The following TNNI3K variants were observed in gnomAD, a reference collection of about 807,000 sequenced individuals.
The protein encoded by TNNI3K is serine/threonine-protein kinase TNNI3K.
In TNNI3K, 140 loss-of-function variants were observed where a neutral mutation model predicts 114.5. The ratio of observed to expected loss-of-function variants is 1.22; its 90% CI spans 1.07 to 1.41. The LOEUF (loss-of-function observed/expected upper bound fraction) is 1.41, where lower values mean the gene tolerates loss of function less well. Among genes scored for constraint, TNNI3K ranks in the 40% most tolerant of loss-of-function variants. The probability of loss-of-function intolerance (pLI) is 0.00; values close to 1 mark genes in which losing one functional copy is unlikely to be tolerated. For missense variants in TNNI3K, 1,125 were observed against 1,007.6 expected, an observed-to-expected ratio of 1.12 and a Z score of -1.58; for synonymous variants, 347 against 347.5, an observed-to-expected ratio of 1.00 and a Z score of 0.02.
At chr1:74,264,931 T>A (rs1655878276) in intron 4 of TNNI3K, among the ~76,000 whole-genome samples, 1 of 151,982 alleles carries the variant, frequency 6.6e-6, no homozygotes, top group Admixed American at 6.6e-5. Flanking sequence ...TACAATCTTG[T>A]AAGGTAAGTA....
intron 23 of TNNI3K, among the ~76,000 whole-genome samples, chr1:74,514,259 T>A (rs1013305009): frequency 1.3e-5 from 2 of 152,142 alleles, no homozygotes; most frequent in African/African-American, 4.8e-5. Context: ...CTAGGAGCAA[T>A]TGTTTTAAAG....
At chr1:74,418,089 A>G (rs369046619) in intron 17 of TNNI3K, 74 of 404,360 alleles carry the variant, frequency 1.8e-4, no homozygotes, top group African/African-American at 1.5e-3. Flanking sequence ...CAATGGAAAT[A>G]CAAGTAAACA....
At chr1:74,539,703 C>T (rs1451480996) in intron 23 of TNNI3K, among the ~76,000 whole-genome samples, 1 of 151,866 alleles carries the variant, frequency 6.6e-6, no homozygotes, top group Admixed American at 6.6e-5. Flanking sequence ...TTAATTGTTC[C>T]AGTGTCAGTT....
intron 23 of TNNI3K, among the ~76,000 whole-genome samples, chr1:74,512,153 G>A (rs1467288209): frequency 2.0e-5 from 3 of 152,284 alleles, no homozygotes; most frequent in South Asian, 4.1e-4. Flanking sequence ...TAGCCCTGGG[G>A]CATGACTCGA....
chr1:74,522,254 A>C (rs538544722), intron 23 of TNNI3K, among the ~76,000 whole-genome samples: 1 of 152,204 alleles, frequency 6.6e-6, no homozygotes, highest in Admixed American at 6.5e-5. Context: ...TTTAGGACAG[A>C]TCTGCTCTTG....
chr1:74,410,463 ATG>A (rs1185360464), intron 17 of TNNI3K, among the ~76,000 whole-genome samples: 1 of 152,202 alleles, frequency 6.6e-6, no homozygotes, highest in Admixed American at 6.5e-5. Context: ...CATAACACAA[ATG>A]TGTGTCTCTT....
Position 74,342,845 on chromosome 1 carries a change from A to G in TNNI3K, c.686A>G (p.Asn229Ser), listed in dbSNP as rs1250272055. 1.2e-6 allele frequency: 2 copies of G among 1,613,660 alleles called. No homozygotes were observed. Among genetic ancestry groups the G allele is most frequent in the Non-Finnish European group, 1.7e-6 (2 of 1,179,814 alleles). Reference protein sequence around the residue: ...LMEEGSKADVNAQDNEDHVPL... With the variant: ...LMEEGSKADVSAQDNEDHVPL... ...TTTTCTTTCTTGCTGATAACAGTGA[A>G]TGCTCAAGATAATGAAGACCATGTC... Residue 229 changes from asparagine to serine, a missense_variant, in exon 8 of 25, where the codon AAT (asparagine) becomes AGT (serine). Physicochemically the swap from Asn to Ser is conservative, Grantham distance 46. Coordinates refer to ENST00000326637, the MANE Select transcript of TNNI3K (RefSeq NM_015978.3).
chr1:74,406,456 G>T (rs555769671), intron 17 of TNNI3K, among the ~76,000 whole-genome samples: 3 of 152,244 alleles, frequency 2.0e-5, no homozygotes, highest in Non-Finnish European at 4.4e-5. Flanking sequence ...TGCAATCCTT[G>T]CATGTGGGCC....
At chr1:74,300,747 A>G (rs933182497) in intron 5 of TNNI3K, among the ~76,000 whole-genome samples, 1 of 152,210 alleles carries the variant, frequency 6.6e-6, no homozygotes, top group Non-Finnish European at 1.5e-5. Flanking sequence ...CTGACTGGTT[A>G]AAAGTGTAGG....
chr1:74,510,402 G>A (rs981909725), intron 23 of TNNI3K, among the ~76,000 whole-genome samples: 1 of 152,156 alleles, frequency 6.6e-6, no homozygotes. Flanking sequence ...CAGCTACTCA[G>A]GAGGCTGAGG....
intron 23 of TNNI3K, among the ~76,000 whole-genome samples, chr1:74,519,694 A>G (rs1646402823): frequency 6.6e-6 from 1 of 152,254 alleles, no homozygotes. Flanking sequence ...ATAACCCCAC[A>G]GAATATATCT....
At chr1:74,341,349 A>G (rs1430909941) in intron 7 of TNNI3K, among the ~76,000 whole-genome samples, 4 of 152,172 alleles carry the variant, frequency 2.6e-5, no homozygotes, top group Non-Finnish European at 4.4e-5. Context: ...TTAAATGTCT[A>G]GTATGGGACA....
At chr1:74,412,711 T>C (rs1664942323) in intron 17 of TNNI3K, among the ~76,000 whole-genome samples, 2 of 152,172 alleles carry the variant, frequency 1.3e-5, no homozygotes, top group South Asian at 4.1e-4. Context: ...CCCTCCAGGG[T>C]TCCAGCAATT....
At chr1:74,327,402 T>C (rs928027380) in intron 5 of TNNI3K, among the ~76,000 whole-genome samples, 2 of 147,844 alleles carry the variant, frequency 1.4e-5, no homozygotes, top group African/African-American at 2.5e-5. Flanking sequence ...TATTTAATAA[T>C]ATTTATATAG....
chr1:74,240,168 CT>C (rs906800611), intron 2 of TNNI3K: 64 of 201,908 alleles, frequency 3.2e-4, no homozygotes, highest in African/African-American at 1.4e-3. Context: ...TTAAAGGCAG[CT>C]TTTTTTCTTA....
chr1:74,309,134 C>T (rs567986203), intron 5 of TNNI3K, among the ~76,000 whole-genome samples: 174 of 151,328 alleles, frequency 1.1e-3, no homozygotes, highest in Admixed American at 7.5e-3. Context: ...TTTGGGAGGC[C>T]GAGGTGGGCG....
At chr1:74,411,113 A>C (rs1436225748) in intron 17 of TNNI3K, among the ~76,000 whole-genome samples, 1 of 152,182 alleles carries the variant, frequency 6.6e-6, no homozygotes, top group Non-Finnish European at 1.5e-5. Context: ...GGCAAAATGC[A>C]CAGCATCACT....
At chr1:74,256,952 T>A (rs999698439) in intron 4 of TNNI3K, among the ~76,000 whole-genome samples, 8 of 152,152 alleles carry the variant, frequency 5.3e-5, no homozygotes, top group Non-Finnish European at 8.8e-5. Flanking sequence ...ATTCACTGAG[T>A]TTTTATATCT....
chr1:74,324,044 G>A (rs1001193964), intron 5 of TNNI3K, among the ~76,000 whole-genome samples: 5 of 152,202 alleles, frequency 3.3e-5, no homozygotes, highest in Admixed American at 1.3e-4. Context: ...GTCAAATAAG[G>A]AAAAGGTCAT....
Sources: allele counts gnomAD v4.1 joint callset (sites outside exome capture counted in the v4.1 genomes callset), GRCh38; gene constraint gnomAD v4.1.1; transcripts MANE v1.5; gene names NCBI Gene and HGNC (gene_info 2026-07-23, HGNC 2026-07-21).